Variants in BEND3 observed in about 807,000 individuals in gnomAD.
The protein encoded by BEND3 is BEN domain containing 3, also known as BEN domain-containing protein 3.
In BEND3, 13 loss-of-function variants were observed where a neutral mutation model predicts 60.1. That is an observed-to-expected ratio of 0.22 (90% CI 0.14 to 0.34). The LOEUF is 0.34. Among genes scored for constraint, BEND3 ranks in the 10% least tolerant of loss-of-function variants. The probability of loss-of-function intolerance (pLI) is 1.00; values close to 1 mark genes in which losing one functional copy is unlikely to be tolerated. For synonymous variants in BEND3, 497 were observed against 491.5 expected (o/e 1.01, Z -0.15); for missense variants, 896 against 1,138.1 (o/e 0.79, Z 3.06).
intron 3 of BEND3, among the ~76,000 whole-genome samples, chr6:107,087,036 A>AAAAAAG (rs1775365197): frequency 6.7e-6 from 1 of 150,226 alleles, no homozygotes; most frequent in Admixed American, 6.7e-5. Context: ...AAAAAAAAAA[A>AAAAAAG]AAAAAGAAAA....
At chr6:107,073,828 G>A (rs1428402932) in intron 3 of BEND3, among the ~76,000 whole-genome samples, 1 of 151,860 alleles carries the variant, frequency 6.6e-6, no homozygotes, top group Non-Finnish European at 1.5e-5. Context: ...TTGAGGCTTC[G>A]TAAGCTGAGA....
At chr6:107,105,356 G>T (rs1374369833) in intron 1 of BEND3, among the ~76,000 whole-genome samples, 1 of 140,932 alleles carries the variant, frequency 7.1e-6, no homozygotes, top group East Asian at 2.1e-4. Flanking sequence ...GGGAGACAGA[G>T]AAAGACTCTG....
rs1554231639 is a variant in BEND3, at chr6:107,069,918, G to A, written c.1273C>T (p.His425Tyr). The change falls in exon 4 of 4, where the codon CAC (histidine) becomes TAC (tyrosine). Residue 425 changes from histidine (H) to tyrosine (Y), a missense_variant. Transcript: ENST00000369042. ...LHRLFPELFD[H>Y]RKLGEQYSCY... Reference sequence around the variant, plus strand: ...CTGTACTGTTCACCCAGCTTGCGGTGGTCGAAGAGCTCGGGGAAGAGCCGG... The same window carrying A: ...CTGTACTGTTCACCCAGCTTGCGGTAGTCGAAGAGCTCGGGGAAGAGCCGG... The A allele has an allele frequency of 2.5e-6, 4 of 1,613,952 alleles. No homozygotes were observed. The South Asian group carries it at 4.4e-5, about 18-fold the overall frequency.
At chr6:107,113,147 ACT>A (rs143993272) in intron 1 of BEND3, among the ~76,000 whole-genome samples, 4,412 of 145,948 alleles carry the variant, frequency 0.03, 89 homozygotes, top group Non-Finnish European at 0.049. Context: ...ATAGAGCGAG[ACT>A]CTGTCTAAAA....
At chr6:107,078,708 C>T (rs1309979745) in intron 3 of BEND3, among the ~76,000 whole-genome samples, 1 of 151,116 alleles carries the variant, frequency 6.6e-6, no homozygotes, top group Admixed American at 6.6e-5. Context: ...AACAGCCCAG[C>T]GAGGCGGGCA....
At chr6:107,092,319 C>A (rs71574228) in intron 3 of BEND3, among the ~76,000 whole-genome samples, 13,197 of 151,914 alleles carry the variant, frequency 0.087, 842 homozygotes, top group African/African-American at 0.17. Context: ...CAAAGGGGTT[C>A]ATCATTTAAA....
chr6:107,074,341 G>C (rs1366591303), intron 3 of BEND3, among the ~76,000 whole-genome samples: 1 of 152,146 alleles, frequency 6.6e-6, no homozygotes, highest in Non-Finnish European at 1.5e-5. Context: ...CTTGAACCTG[G>C]GAGGCGGAGG....
At chr6:107,079,528 C>A (rs1443854392) in intron 3 of BEND3, among the ~76,000 whole-genome samples, 1 of 152,228 alleles carries the variant, frequency 6.6e-6, no homozygotes, top group African/African-American at 2.4e-5. Flanking sequence ...CCCCTAGACA[C>A]TGCCATGGGG....
intron 1 of BEND3, among the ~76,000 whole-genome samples, chr6:107,105,676 G>C (rs1025058980): frequency 4.6e-5 from 7 of 152,208 alleles, no homozygotes; most frequent in Non-Finnish European, 8.8e-5. Flanking sequence ...GGCAGGCCCA[G>C]AAATGGGAAG....
chr6:107,094,259 A>T (rs1361923115), intron 3 of BEND3, among the ~76,000 whole-genome samples: 1 of 152,078 alleles, frequency 6.6e-6, no homozygotes, highest in East Asian at 1.9e-4. Flanking sequence ...TTCACCAAAA[A>T]AGCTATACTG....
At chr6:107,097,399 T>A in intron 3 of BEND3, among the ~76,000 whole-genome samples, 3 of 142,396 alleles carry the variant, frequency 2.1e-5, no homozygotes, top group African/African-American at 5.2e-5. Context: ...AAAGCCCAAA[T>A]AAATTAGAGA....
At chr6:107,095,543 T>C (rs1775568859) in intron 3 of BEND3, among the ~76,000 whole-genome samples, 1 of 152,182 alleles carries the variant, frequency 6.6e-6, no homozygotes, top group South Asian at 2.1e-4. Context: ...CTCCTCGGTG[T>C]TTATCCAAAG....
chr6:107,111,545 T>C (rs925108910), intron 1 of BEND3, among the ~76,000 whole-genome samples: 2 of 151,428 alleles, frequency 1.3e-5, no homozygotes, highest in East Asian at 3.9e-4. Context: ...CACATACACA[T>C]CCCTATAAAC....
chr6:107,070,412 C>G lies in BEND3; in HGVS notation c.779G>C (p.Ser260Thr), dbSNP rs1554231820. The G allele has an allele frequency of 6.2e-7, 1 of 1,613,978 alleles. No individual in the cohort carries two copies. The highest frequency in any genetic ancestry group is 1.3e-5 in the African/African-American group (1 of 75,050). ...GCAGGCCAGGTCCCCCCCTGACAGG[C>G]TCTGGTCCACGATCTGCTTGAGCTC... is the stretch of plus-strand genomic sequence containing the variant. ...AAELKQIVDQ[S>T]LSGGDLACRL... Residue 260 changes from serine (S) to threonine (T), a missense_variant, in exon 4 of 4, where the codon AGC becomes ACC. Ser to Thr is a moderately conservative substitution (Grantham distance 58). This residue lies in a region of BEND3 where 846 missense variants were observed against 1,036.7 expected (regional missense o/e 0.82). Coordinates refer to ENST00000369042, the MANE Select transcript of BEND3 (RefSeq NM_001367314.1). The surrounding 1 kb of genome is among the most constrained non-coding windows in gnomAD (Gnocchi z 6.9).
At chr6:107,092,150 G>C (rs184474858) in intron 3 of BEND3, among the ~76,000 whole-genome samples, 3 of 151,938 alleles carry the variant, frequency 2.0e-5, no homozygotes, top group Non-Finnish European at 4.4e-5. Flanking sequence ...TCAGCTACTC[G>C]GGAGGCTGAG....
At chr6:107,107,422 TTC>T (rs1491508770) in intron 1 of BEND3, among the ~76,000 whole-genome samples, 4 of 122,550 alleles carry the variant, frequency 3.3e-5, no homozygotes, top group South Asian at 3.2e-4. Flanking sequence ...ATTATAAAGC[TTC>T]TTTTTTTTTT....
chr6:107,085,873 G>A (rs1775336399), intron 3 of BEND3, among the ~76,000 whole-genome samples: 3 of 151,072 alleles, frequency 2.0e-5, no homozygotes, highest in South Asian at 4.2e-4. Flanking sequence ...CGCAAGCTCC[G>A]CCTCCTGAGT....
At chr6:107,114,332 C>G (rs929505718) in intron 1 of BEND3, 2 of 152,108 alleles carry the variant, frequency 1.3e-5, no homozygotes, top group African/African-American at 2.4e-5. Context: ...GGTGCACACC[C>G]AAGGCGCCGG....
chr6:107,095,628 T>G (rs563757089), intron 3 of BEND3, among the ~76,000 whole-genome samples: 1 of 152,316 alleles, frequency 6.6e-6, no homozygotes, highest in African/African-American at 2.4e-5. Flanking sequence ...TTGCCAAAAC[T>G]TGGAAGCATC....
Sources: gnomAD v4.1 joint callset for allele counts (sites outside exome capture counted in the v4.1 genomes callset) on GRCh38, gnomAD v4.1.1 for gene constraint, gnomAD v4.1.1 regional missense constraint, Gnocchi (gnomAD v3.1) non-coding constraint, MANE v1.5 for transcripts, NCBI Gene and HGNC (gene_info 2026-07-23, HGNC 2026-07-21) for gene names.